The following DCLK1 variants were observed in gnomAD, a reference collection of about 807,000 sequenced individuals.
DCLK1 encodes the protein doublecortin like kinase 1, also known as serine/threonine-protein kinase DCLK1.
DCLK1 carries 16 observed loss-of-function variants against 86.2 expected under a neutral mutation model. That is an observed-to-expected ratio of 0.19 (90% CI 0.13 to 0.28). DCLK1 has a LOEUF of 0.28. Ranked by LOEUF, DCLK1 falls within the 10% of genes least tolerant of loss-of-function variation. The pLI is 1.00. For missense variants in DCLK1, 590 were observed against 940.2 expected (o/e 0.63, Z 4.87); for synonymous variants, 369 against 370.5 (o/e 1.00, Z 0.05).
chr13:36,100,780 G>A (rs9546347), intron 3 of DCLK1, among the ~76,000 whole-genome samples: 1 of 152,030 alleles, frequency 6.6e-6, no homozygotes, highest in Admixed American at 6.5e-5. Flanking sequence ...AACCTCCCAG[G>A]CTGTGTTATA....
chr13:36,113,875 A>T (rs1885694452), intron 2 of DCLK1, among the ~76,000 whole-genome samples: 1 of 152,200 alleles, frequency 6.6e-6, no homozygotes, highest in Non-Finnish European at 1.5e-5. Flanking sequence ...GAAATCGGTA[A>T]GCAGGTCTTA....
intron 15 of DCLK1, among the ~76,000 whole-genome samples, chr13:35,797,115 C>T (rs1171822667): frequency 6.6e-6 from 1 of 152,128 alleles, no homozygotes; most frequent in Non-Finnish European, 1.5e-5. Flanking sequence ...TGACACTGGG[C>T]AGCATAGAGT....
chr13:35,839,292 G>T, intron 6 of DCLK1, 116 bp from the exon 7 acceptor site: 1 of 804,246 alleles, frequency 1.2e-6, no homozygotes, highest in Non-Finnish European at 2.0e-6. Context: ...GGGAGGATTT[G>T]ATCTTAACAC....
At chr13:35,978,904 C>A (rs1454189516) in intron 3 of DCLK1, among the ~76,000 whole-genome samples, 1 of 152,180 alleles carries the variant, frequency 6.6e-6, no homozygotes, top group African/African-American at 2.4e-5. Context: ...AGAATACACA[C>A]CTATTACCTT....
intron 4 of DCLK1, among the ~76,000 whole-genome samples, chr13:35,928,768 CAT>C (rs1876264811): frequency 6.6e-6 from 1 of 152,164 alleles, no homozygotes; most frequent in African/African-American, 2.4e-5. Flanking sequence ...CATGTATACA[CAT>C]ATAAGATCAG....
chr13:35,776,897 A>G (rs1436491201), intron 16 of DCLK1, among the ~76,000 whole-genome samples: 1 of 152,158 alleles, frequency 6.6e-6, no homozygotes, highest in Non-Finnish European at 1.5e-5. Context: ...CTCCACAAAT[A>G]CTGTAATTCA....
At chr13:36,029,338 T>G (rs1431436812) in intron 3 of DCLK1, among the ~76,000 whole-genome samples, 1 of 152,210 alleles carries the variant, frequency 6.6e-6, no homozygotes, top group Non-Finnish European at 1.5e-5. Context: ...TGTGTTTGTG[T>G]GGTTATCCAT....
At chr13:35,956,374 C>T (rs996894054) in intron 3 of DCLK1, among the ~76,000 whole-genome samples, 1 of 152,030 alleles carries the variant, frequency 6.6e-6, no homozygotes. Flanking sequence ...AAGATTCATG[C>T]AAGTAGGTAG....
Position 36,006,679 on chromosome 13 carries a change from G to A in DCLK1, c.724-59222C>T, listed in dbSNP as rs566236500. Among the ~76,000 whole-genome samples the A allele has an allele frequency of 8.3e-4, 127 of 152,280 alleles. 1 individual carries two copies. The highest frequency in any genetic ancestry group is 1.4e-3 in the Non-Finnish European group (94 of 68,032). On this transcript the variant is annotated intron_variant, in intron 3 of 16. Coordinates refer to ENST00000360631, the MANE Select transcript of DCLK1 (RefSeq NM_001330071.2). ...ATTTTGTTGTCTGAGAAACTGATTC[G>A]CAAGCTCTTGGGCAAAGAGCCTTCT...
chr13:35,997,331 A>G (rs371609051), intron 3 of DCLK1, among the ~76,000 whole-genome samples: 62 of 152,368 alleles, frequency 4.1e-4, no homozygotes, highest in African/African-American at 1.4e-3. Context: ...AGATATGATT[A>G]TCTTTAATTT....
chr13:36,056,434 G>T (rs1883312021), intron 3 of DCLK1, among the ~76,000 whole-genome samples: 1 of 112,896 alleles, frequency 8.9e-6, no homozygotes, highest in African/African-American at 3.4e-5. Context: ...CATGGACACA[G>T]GAAGGGGAAT....
rs115678137 is a variant in DCLK1 at position 35,840,102 on chromosome 13, C to T, written c.1036-926G>A. 7.0e-3 allele frequency among the ~76,000 whole-genome samples: 1,065 copies of T among 152,160 alleles called. 10 individuals are homozygous for T. Among genetic ancestry groups the T allele is most frequent in the African/African-American group, 0.024 (986 of 41,494 alleles). On this transcript the variant is annotated intron_variant, in intron 6 of 16. Transcript: ENST00000360631. ...GGCGGGCGGCATTGGCTCATGGTGC[C>T]GGCTGTCTGTGGAGCAGAGAGAAGG...
At chr13:35,865,167 T>C (rs148106382) in intron 5 of DCLK1, among the ~76,000 whole-genome samples, 486 of 152,272 alleles carry the variant, frequency 3.2e-3, no homozygotes, top group African/African-American at 0.011. Context: ...TTTCCCTGTG[T>C]AGATAAAAAA....
intron 3 of DCLK1, among the ~76,000 whole-genome samples, chr13:36,049,300 T>G (rs1004443306): frequency 3.3e-5 from 5 of 152,190 alleles, no homozygotes; most frequent in African/African-American, 1.2e-4. Flanking sequence ...TGATTTTTGC[T>G]AAGAATGTGT....
chr13:35,959,052 T>C (rs993618121), intron 3 of DCLK1, among the ~76,000 whole-genome samples: 15 of 152,176 alleles, frequency 9.9e-5, no homozygotes, highest in Non-Finnish European at 1.8e-4. Context: ...ACATTACGTT[T>C]TTACAAATAA....
chr13:36,053,755 T>C (rs1342189239), intron 3 of DCLK1, among the ~76,000 whole-genome samples: 1 of 151,996 alleles, frequency 6.6e-6, no homozygotes, highest in East Asian at 1.9e-4. Context: ...GAACACCTCA[T>C]ATGGGGACTT....
chr13:35,958,090 T>TACCACCACCACCACTATAACCACCAC, intron 3 of DCLK1, among the ~76,000 whole-genome samples: 2 of 6,140 alleles, frequency 3.3e-4, no homozygotes, highest in Non-Finnish European at 5.6e-4. Flanking sequence ...ACTATAACCA[T>TACCACCACCACCACTATAACCACCAC]CACCACCGCT....
Position 36,126,222 on chromosome 13 carries a change from T to G in DCLK1, c.-19-66A>C, listed in dbSNP as rs968743390. 1.4e-5 allele frequency: 18 copies of G among 1,271,682 alleles called. No homozygotes were observed. The African/African-American group carries it at 2.8e-4, about 20-fold the overall frequency. 78.8% of individuals were successfully genotyped at this position (1,271,682 alleles called of 1,614,324 possible). A position where few individuals can be genotyped will look rare whatever the true frequency, so the allele number is the denominator to read the frequency against. On this transcript the variant is annotated intron_variant, in intron 1 of 16. Transcript: ENST00000360631. The stretch of plus-strand genomic sequence containing the variant: ...TAGGTTATATATATATATATATTTT[T>G]TTGTTTTTGTTTTTTTTATGTTAGG...
intron 11 of DCLK1, among the ~76,000 whole-genome samples, chr13:35,811,322 G>C (rs549640726): frequency 1.4e-3 from 203 of 149,450 alleles, no homozygotes; most frequent in African/African-American, 4.8e-3. Context: ...GTCCATTAAA[G>C]AAAAAAAGTA....
Sources: allele counts gnomAD v4.1 joint callset (sites outside exome capture counted in the v4.1 genomes callset), GRCh38; gene constraint gnomAD v4.1.1; transcripts MANE v1.5; gene names NCBI Gene and HGNC (gene_info 2026-07-23, HGNC 2026-07-21).